PCDH11X: variants seen among roughly 807,000 people sequenced by gnomAD.
PCDH11X encodes the protein protocadherin-11 X-linked.
Under a neutral mutation model 53.3 loss-of-function variants are expected in PCDH11X, and 18 were observed. That is an observed-to-expected ratio of 0.34 (90% CI 0.23 to 0.50). The LOEUF is 0.50. PCDH11X is among the 20% of genes least tolerant of loss of function. The probability of loss-of-function intolerance (pLI) is 0.98; values close to 1 mark genes in which losing one functional copy is unlikely to be tolerated. For missense variants in PCDH11X, 570 were observed against 1,032.4 expected, an observed-to-expected ratio of 0.55 and a Z score of 6.14; for synonymous variants, 279 against 393.3, an observed-to-expected ratio of 0.71 and a Z score of 3.44.
Position 91,878,379 on chromosome X carries a change from C to T in PCDH11X, c.2139C>T (p.Tyr713=). 2 of 1,205,622 alleles carry T rather than the reference C, an allele frequency of 1.7e-6. No homozygotes were observed. Among genetic ancestry groups the T allele is most frequent in the Non-Finnish European group, 1.1e-6 (1 of 892,271 alleles). ...CTGGCATGAATGCAGAGGTTCGTTA[C>T]AGCATTGTAGGAGGAAACACAAGAG... ...NDTGMNAEVR[Y]SIVGGNTRDL... The change falls in exon 6 of 11, where the codon TAC becomes TAT. Residue 713 remains tyrosine (Y), a synonymous_variant. Transcript: ENST00000682573.
intron 6 of PCDH11X, among the ~76,000 whole-genome samples, chrX:92,192,959 G>A (rs981003373): frequency 2.7e-5 from 3 of 111,218 alleles, no homozygotes; most frequent in Admixed American, 9.6e-5. Flanking sequence ...GGCTGGTCTC[G>A]AACCCCTGAT....
intron 8 of PCDH11X, among the ~76,000 whole-genome samples, chrX:92,347,709 A>T (rs1245200711): frequency 9.0e-6 from 1 of 111,617 alleles, no homozygotes; most frequent in African/African-American, 3.3e-5. Context: ...AACCTCATAG[A>T]TAGTTTCTTC....
rs1273112305 is a variant in PCDH11X at position 91,910,576 on chromosome X, T to C, written c.3033+31303T>C. ...TTACATCCTTTTGTTTGTTGATTGG[T>C]TTGTTTTTAGGCCATCCAACCCCCT... On this transcript the variant is annotated intron_variant, in intron 6 of 10. Coordinates refer to ENST00000682573, the MANE Select transcript of PCDH11X (RefSeq NM_032968.5). 2.0e-4 allele frequency among the ~76,000 whole-genome samples: 22 copies of C among 110,909 alleles called. 1 individual carries two copies. The highest frequency in any genetic ancestry group is 3.8e-5 in the Non-Finnish European group (2 of 52,783).
intron 4 of PCDH11X, among the ~76,000 whole-genome samples, chrX:91,819,802 C>T (rs1936582793): frequency 1.0e-5 from 1 of 96,394 alleles, no homozygotes. Flanking sequence ...GGTATATCTC[C>T]CAATGCTATC....
At chrX:92,242,730 A>G (rs183829596) in intron 7 of PCDH11X, among the ~76,000 whole-genome samples, 88 of 111,435 alleles carry the variant, frequency 7.9e-4, no homozygotes, top group Non-Finnish European at 1.4e-3. Flanking sequence ...TCAGCAATGT[A>G]TGCTTGATTC....
chrX:92,114,293 C>T (rs2064588934), intron 6 of PCDH11X: 6 of 864,360 alleles, frequency 6.9e-6, no homozygotes, highest in Non-Finnish European at 1.0e-5. Flanking sequence ...TGCTGGATGG[C>T]AGAGGGCTTC....
chrX:91,910,120 A>T (rs1941322557), intron 6 of PCDH11X, among the ~76,000 whole-genome samples: 1 of 109,434 alleles, frequency 9.1e-6, no homozygotes, highest in Non-Finnish European at 1.9e-5. Flanking sequence ...ATTTATGATA[A>T]ACATTTTTTG....
intron 10 of PCDH11X, among the ~76,000 whole-genome samples, chrX:92,494,159 G>A (rs2073819700): frequency 9.1e-6 from 1 of 110,429 alleles, no homozygotes; most frequent in Non-Finnish European, 1.9e-5. Context: ...GAACTCAAAC[G>A]CAATTCAAAA....
intron 10 of PCDH11X, among the ~76,000 whole-genome samples, chrX:92,513,942 A>G (rs2148709119): frequency 9.0e-6 from 1 of 110,718 alleles, no homozygotes; most frequent in Non-Finnish European, 1.9e-5. Flanking sequence ...TCATATAGTT[A>G]TATTCTGAAC....
chrX:92,518,161 C>T lies in PCDH11X; in HGVS notation c.3367+49839C>T, dbSNP rs1448500228. Among the ~76,000 whole-genome samples the T allele has an allele frequency of 3.6e-5, 4 of 111,521 alleles. No homozygotes were observed. In the East Asian group the frequency reaches 8.4e-4, roughly 24 times the overall value. The stretch of plus-strand genomic sequence containing the variant: ...GAATCTCTTTCCTATCTGCCCTAAA[C>T]CTCTTTGTGTTAATTAATTCTGTGG... On this transcript the variant is annotated intron_variant, in intron 10 of 10. Transcript: ENST00000682573.
chrX:92,319,612 G>GT (rs1276720588), intron 8 of PCDH11X, among the ~76,000 whole-genome samples: 1 of 110,143 alleles, frequency 9.1e-6, no homozygotes, highest in Non-Finnish European at 1.9e-5. Context: ...CTCCGCTTTG[G>GT]TCCCCCAGAT....
intron 6 of PCDH11X, among the ~76,000 whole-genome samples, chrX:92,170,350 A>G (rs1285892441): frequency 9.0e-6 from 1 of 111,093 alleles, no homozygotes; most frequent in African/African-American, 3.3e-5. Context: ...TATGTATATG[A>G]ATTATGCATC....
rs13362941 is a variant in PCDH11X, at chrX:91,825,217, C to T, written c.-44-10244C>T. Reference sequence around the variant, plus strand: ...GTGGGCTCCACCCAGTTGGAGCTTCCGGGCTGCTTTGTTTACCTAAGGAAG... The same window carrying T: ...GTGGGCTCCACCCAGTTGGAGCTTCTGGGCTGCTTTGTTTACCTAAGGAAG... On this transcript the variant is annotated intron_variant, in intron 4 of 10. Transcript: ENST00000682573. Among the ~76,000 whole-genome samples the T allele has an allele frequency of 1.7e-3, 186 of 108,452 alleles. 1 individual carries two copies. Among genetic ancestry groups the T allele is most frequent in the Non-Finnish European group, 2.3e-3 (125 of 53,198 alleles). 94.2% of individuals were successfully genotyped at this position (108,452 alleles called of 115,157 possible).
chrX:91,907,444 C>T (rs1189222037), intron 6 of PCDH11X, among the ~76,000 whole-genome samples: 2 of 45,513 alleles, frequency 4.4e-5, no homozygotes, highest in Non-Finnish European at 8.1e-5. Flanking sequence ...GAGAGAGAGG[C>T]TGACATAAAT....
intron 6 of PCDH11X, among the ~76,000 whole-genome samples, chrX:92,026,113 G>A (rs1268162086): frequency 9.2e-6 from 1 of 109,000 alleles, no homozygotes; most frequent in Non-Finnish European, 1.9e-5. Flanking sequence ...CATAATTCCC[G>A]GGTGATAAAA....
At position 92,548,948 on chromosome X, in the gene PCDH11X, G is replaced by GA. The variant is rs766841387; in HGVS notation, c.3368-69309dup. Among the ~76,000 whole-genome samples, 95 of 107,264 alleles carry GA rather than the reference G, an allele frequency of 8.9e-4. 3 individuals carry two copies. In the East Asian group the frequency reaches 0.018, roughly 21 times the overall value. The allele number at this position is 107,264 out of a possible 115,157, so 93.1% of individuals were successfully genotyped here. ...TATCTAATCAGTTTTGTTAATGTGTGAAAAAAACAGTGCAAGTGTCATTTA... is the reference window on the plus strand; with the variant it reads ...TATCTAATCAGTTTTGTTAATGTGTGAAAAAAAACAGTGCAAGTGTCATTTA... On this transcript the variant is annotated intron_variant, in intron 10 of 10. Coordinates refer to ENST00000682573, the MANE Select transcript of PCDH11X (RefSeq NM_032968.5).
intron 10 of PCDH11X, among the ~76,000 whole-genome samples, chrX:92,471,248 C>T (rs2073256659): frequency 9.5e-6 from 1 of 105,352 alleles, no homozygotes; most frequent in African/African-American, 3.5e-5. Context: ...TTTCCTGATC[C>T]TCTCTCTCCT....
intron 6 of PCDH11X, among the ~76,000 whole-genome samples, chrX:91,977,593 T>C (rs2147920877): frequency 9.0e-6 from 1 of 110,840 alleles, no homozygotes; most frequent in South Asian, 3.8e-4. Context: ...GATTTCCTAG[T>C]GATTCAGAAG....
intron 6 of PCDH11X, among the ~76,000 whole-genome samples, chrX:91,973,419 C>T (rs2061999456): frequency 1.0e-5 from 1 of 99,847 alleles, no homozygotes; most frequent in Non-Finnish European, 2.0e-5. Flanking sequence ...GCACATGTAC[C>T]CTAAAACTTA....
Sources: allele counts gnomAD v4.1 joint callset (sites outside exome capture counted in the v4.1 genomes callset), GRCh38; gene constraint gnomAD v4.1.1; transcripts MANE v1.5; gene names NCBI Gene and HGNC (gene_info 2026-07-23, HGNC 2026-07-21).